MYH6: variants seen among roughly 807,000 people sequenced by gnomAD.
The protein encoded by MYH6 is myosin heavy chain 6.
Under a neutral mutation model 223.2 loss-of-function variants are expected in MYH6, and 126 were observed. That is an observed-to-expected ratio of 0.56 (90% CI 0.49 to 0.65). The LOEUF is 0.65. MYH6 is among the 30% of genes least tolerant of loss of function. The pLI, the probability that MYH6 is intolerant of heterozygous loss-of-function variation, is 0.00. For synonymous variants in MYH6, 978 were observed against 1,010.2 expected (o/e 0.97, Z 0.61); for missense variants, 2,040 against 2,536.4 (o/e 0.80, Z 4.20).
intron 7 of MYH6, 122 bp downstream of exon 7, chr14:23,404,589 C>A (rs908908469): frequency 1.7e-5 from 19 of 1,126,586 alleles, no homozygotes; most frequent in Non-Finnish European, 2.2e-5. Context: ...CTGGGCTGAC[C>A]ATCGGGAGCC....
At chr14:23,390,625 C>T (rs758601751) in intron 25 of MYH6, among the ~76,000 whole-genome samples, 179 bp from the exon 26 acceptor site, 6 of 152,118 alleles carry the variant, frequency 3.9e-5, no homozygotes, top group Non-Finnish European at 8.8e-5. Context: ...GTGGGGCTTG[C>T]TACTGGCATC....
At chr14:23,389,225 G>A (rs972190951) in intron 28 of MYH6, among the ~76,000 whole-genome samples, 168 bp downstream of exon 28, 2 of 152,188 alleles carry the variant, frequency 1.3e-5, no homozygotes, top group Admixed American at 6.5e-5. Flanking sequence ...ATCCCCTTAC[G>A]AATAAGAAAA....
chr14:23,394,632 A>C lies in MYH6; in HGVS notation c.2430-309T>G, dbSNP rs79168459. Among the ~76,000 whole-genome samples the C allele has an allele frequency of 9.9e-3, 1,515 of 152,286 alleles. 24 individuals are homozygous for C. The highest frequency in any genetic ancestry group is 0.035 in the African/African-American group (1,444 of 41,556). ...TTAAAAATTATGTAGGGGTTTACATATAAGAATGTCTATAATAAGTATGTA... is the reference window on the plus strand; with the variant it reads ...TTAAAAATTATGTAGGGGTTTACATCTAAGAATGTCTATAATAAGTATGTA... On this transcript the variant is annotated intron_variant, in intron 20 of 38. Coordinates refer to ENST00000405093, the MANE Select transcript of MYH6 (RefSeq NM_002471.4).
Position 23,393,415 on chromosome 14 carries a change from T to C in MYH6, c.3032A>G (p.Asp1011Gly). ...LQEAHQQALD[D>G]LQVEEDKVNS... ...GACCTTGTCTTCCTCAACCTGAAGGTCATCCAGGGCCTGCTGATGGGCCTC... is the reference window on the plus strand; with the variant it reads ...GACCTTGTCTTCCTCAACCTGAAGGCCATCCAGGGCCTGCTGATGGGCCTC... The change falls in exon 23 of 39, where the codon GAC becomes GGC. Residue 1011 changes from aspartate to glycine, a missense_variant. Around this residue, in one of 4 missense-constraint regions of MYH6, gnomAD observed 1,203 missense variants for 1,400.2 expected, o/e 0.86. Transcript: ENST00000405093. 2 of 1,614,186 alleles carry C rather than the reference T, an allele frequency of 1.2e-6. No individual in the cohort carries two copies. The highest frequency in any genetic ancestry group is 2.2e-5 in the South Asian group (2 of 91,082).
rs1891401355 is a variant in MYH6, at chr14:23,396,541, A to C, written c.2293-121T>G. On this transcript the variant is annotated intron_variant, in intron 19 of 38. Transcript: ENST00000405093. ...ATGCCTTCTAGAAGTAAGAGTAAAA[A>C]TTTGACAAACAAGACCGGAATGAAG... 35 of 1,568,728 alleles carry C rather than the reference A, an allele frequency of 2.2e-5. 1 individual carries two copies. The South Asian group carries it at 3.3e-4, about 15-fold the overall frequency.
intron 36 of MYH6, 21 bp from the exon 37 acceptor site, chr14:23,383,341 G>GGGGGGGGCCCCCCCCCCCCCCCCC: frequency 1.8e-6 from 1 of 556,566 alleles, no homozygotes; most frequent in Non-Finnish European, 3.3e-6. Flanking sequence ...GAGGGTGGGA[G>GGGGGGGGCCCCCCCCCCCCCCCCC]AAGCTGGTTT....
intron 34 of MYH6, 103 bp from the exon 35 acceptor site, chr14:23,385,144 AAAC>A: frequency 3.8e-6 from 5 of 1,299,138 alleles, no homozygotes; most frequent in Non-Finnish European, 4.3e-6. Context: ...TTTTTTTTTA[AAAC>A]AACAAGCCCA....
rs1486610243 is a variant in MYH6, at chr14:23,396,377, C to T, written c.2336G>A (p.Arg779Gln). 9.3e-6 allele frequency: 15 copies of T among 1,613,924 alleles called. No homozygotes were observed. Among genetic ancestry groups the T allele is most frequent in the African/African-American group, 4.0e-5 (3 of 74,934 alleles). Residue 779 changes from arginine to glutamine, a missense_variant, in exon 20 of 39, where the codon CGG (arginine) becomes CAG (glutamine). Transcript: ENST00000405093. ...GATGATGCGGCTCAGCCTCTCATCC[C>T]GCATCTCCTCCAGCAGCCCAAGCAG... ...AGLLGLLEEM[R>Q]DERLSRIITR...
chr14:23,387,960 C>G, intron 30 of MYH6, 37 bp from the exon 31 acceptor site: 1 of 1,611,260 alleles, frequency 6.2e-7, no homozygotes, highest in Middle Eastern at 2.0e-4. Flanking sequence ...AGCCCCCCAG[C>G]CTTAGCTCCC....
Position 23,382,542 on chromosome 14 carries a change from G to A in MYH6, c.5682C>T (p.Asn1894=), listed in dbSNP as rs1474675483. The A allele has an allele frequency of 2.5e-6, 4 of 1,614,080 alleles. No homozygotes were observed. The highest frequency in any genetic ancestry group is 2.7e-5 in the African/African-American group (2 of 74,920). ...AEEAEEQANT[N]LSKFRKVQHE... Reference sequence around the variant, plus strand: ...GCTGCACCTTGCGGAACTTGGACAGGTTGGTGTTGGCTTGCTCCTCCTGTG... The same window carrying A: ...GCTGCACCTTGCGGAACTTGGACAGATTGGTGTTGGCTTGCTCCTCCTGTG... Residue 1894 remains asparagine, a synonymous_variant, in exon 38 of 39, where the codon AAC becomes AAT. Coordinates refer to ENST00000405093, the MANE Select transcript of MYH6 (RefSeq NM_002471.4).
chr14:23,388,046 G>T, intron 30 of MYH6, 109 bp downstream of exon 30: 1 of 1,607,304 alleles, frequency 6.2e-7, no homozygotes, highest in Non-Finnish European at 8.5e-7. Flanking sequence ...TCCCGAGCCT[G>T]GGCTTAGCCC....
chr14:23,398,260 C>T (rs891763237), intron 15 of MYH6, among the ~76,000 whole-genome samples: 3 of 152,144 alleles, frequency 2.0e-5, no homozygotes, highest in Non-Finnish European at 4.4e-5. Context: ...TTGTGATCCA[C>T]CCGCCTCGGC....
Position 23,400,806 on chromosome 14 carries a change from T to C in MYH6, c.1313A>G (p.Asn438Ser). 6.2e-7 allele frequency: 1 copy of C among 1,614,170 alleles called. No individual in the cohort carries two copies. Among genetic ancestry groups the C allele is most frequent in the Non-Finnish European group, 8.5e-7 (1 of 1,180,030 alleles). The change falls in exon 13 of 39, where the codon AAC becomes AGC. Residue 438 changes from asparagine (N) to serine (S), a missense_variant. Physicochemically the swap from Asn to Ser is conservative, Grantham distance 46. This residue lies in a region of MYH6 where 649 missense variants were observed against 877.3 expected (regional missense o/e 0.74). Transcript: ENST00000405093. ...LAKAVYEKMF[N>S]WMVTRINATL... ...GGCGTTGATGCGCGTCACCATCCAG[T>C]TGAACATCTTCTCATACACTGCCTT...
rs533942127 is a variant in MYH6 at position 23,388,952 on chromosome 14, C to T, written c.4082G>A (p.Arg1361His). ...CTCCGAGTTGGCCTTGGACAGGACG[C>T]GCTGCAGCTCGGCCTTGGCCTCTGT... is the stretch of plus-strand genomic sequence containing the variant. ...EETEAKAELQRVLSKANSEVA... is the reference protein window; with the variant it reads ...EETEAKAELQHVLSKANSEVA... The change falls in exon 29 of 39, where the codon CGC becomes CAC. Residue 1361 changes from arginine (R) to histidine (H), a missense_variant. By Grantham distance (29) the Arg-to-His change is conservative. Coordinates refer to ENST00000405093, the MANE Select transcript of MYH6 (RefSeq NM_002471.4). 3.0e-5 allele frequency: 48 copies of T among 1,613,700 alleles called. No homozygotes were observed. The highest frequency in any genetic ancestry group is 7.7e-5 in the South Asian group (7 of 91,054).
Position 23,389,531 on chromosome 14 carries a change from C to A in MYH6, c.3860-20G>T. 6.2e-7 allele frequency: 1 copy of A among 1,614,212 alleles called. No individual in the cohort carries two copies. Among genetic ancestry groups the A allele is most frequent in the East Asian group, 2.2e-5 (1 of 44,878 alleles). The stretch of plus-strand genomic sequence containing the variant: ...ACTCTCCTGGAGGTGAAATGAGGGG[C>A]TTGTGGGCCATTTCACAAGTCATGT... On this transcript the variant is annotated intron_variant, in intron 27 of 38. Transcript: ENST00000405093.
At chr14:23,396,211 G>A in intron 20 of MYH6, 73 bp downstream of exon 20, 1 of 1,606,518 alleles carries the variant, frequency 6.2e-7, no homozygotes, top group Non-Finnish European at 8.5e-7. Context: ...CAGGTCTTCT[G>A]ACCCACACTA....
chr14:23,398,888 G>A lies in MYH6; in HGVS notation c.1731C>T (p.His577=). ...PRNIKGKQEA[H]FSLIHYAGTV... ...TGCCGGCGTAGTGGATCAGGGAGAA[G>A]TGGGCTTCCTGCTTCCCCTTGATGT... Residue 577 remains histidine (H), a synonymous_variant, in exon 15 of 39, where the codon CAC becomes CAT. Transcript: ENST00000405093. The A allele has an allele frequency of 1.2e-6, 2 of 1,614,174 alleles. No individual in the cohort carries two copies. The highest frequency in any genetic ancestry group is 1.7e-6 in the Non-Finnish European group (2 of 1,180,038).
At chr14:23,398,350 T>C (rs1891494141) in intron 15 of MYH6, among the ~76,000 whole-genome samples, 1 of 152,166 alleles carries the variant, frequency 6.6e-6, no homozygotes, top group Admixed American at 6.5e-5. Context: ...CCTCTTCATT[T>C]CAAGCCACAT....
At position 23,382,459 on chromosome 14, in the gene MYH6, A is replaced by G; in HGVS notation, c.5765T>C (p.Leu1922Pro). The change falls in exon 38 of 39, where the codon CTT becomes CCT. Residue 1922 changes from leucine (L) to proline (P), a missense_variant. By Grantham distance (98) the Leu-to-Pro change is moderately conservative. Transcript: ENST00000405093. ...ADIAESQVNK[L>P]RAKSRDIGAK... ...ACCAATGTCACGGCTCTTGGCTCGA[A>G]GCTTGTTGACCTGGGACTCAGCGAT... 1 of 1,614,156 alleles carries G rather than the reference A, an allele frequency of 6.2e-7. No homozygotes were observed.
Sources: gnomAD v4.1 joint callset for allele counts (sites outside exome capture counted in the v4.1 genomes callset) on GRCh38, gnomAD v4.1.1 for gene constraint, gnomAD v4.1.1 regional missense constraint, MANE v1.5 for transcripts, NCBI Gene and HGNC (gene_info 2026-07-23, HGNC 2026-07-21) for gene names.